Variants in SBNO2 observed in about 807,000 individuals in gnomAD.
The protein encoded by SBNO2 is protein strawberry notch homolog 2.
Under a neutral mutation model 146.3 loss-of-function variants are expected in SBNO2, and 89 were observed. The ratio of observed to expected loss-of-function variants is 0.61; its 90% CI spans 0.51 to 0.73. The LOEUF (loss-of-function observed/expected upper bound fraction) is 0.73, where lower values mean the gene tolerates loss of function less well. Ranked by LOEUF, SBNO2 falls within the 30% of genes least tolerant of loss-of-function variation. SBNO2 has a pLI of 0.00. For synonymous variants in SBNO2, 1,147 were observed against 892.6 expected, an observed-to-expected ratio of 1.29 and a Z score of -5.08; for missense variants, 2,092 against 2,003.7, an observed-to-expected ratio of 1.04 and a Z score of -0.84.
In SBNO2 at chr19:1,119,895, C is replaced by T; in HGVS notation, c.1267+11G>A. ...CTGCGGGTGGGTCACGTGGGATCCGCACCGCCCCACCTGTGGCGCTGGCGT... is the reference window on the plus strand; with the variant it reads ...CTGCGGGTGGGTCACGTGGGATCCGTACCGCCCCACCTGTGGCGCTGGCGT... On this transcript the variant is annotated intron_variant, in intron 12 of 31. Transcript: ENST00000361757. The T allele has an allele frequency of 1.3e-6, 2 of 1,537,734 alleles. No individual in the cohort carries two copies. Among genetic ancestry groups the T allele is most frequent in the Non-Finnish European group, 1.8e-6 (2 of 1,140,712 alleles).
rs113729230 is a variant in SBNO2 at position 1,150,472 on chromosome 19, C to T, written c.94-1030G>A. Among the ~76,000 whole-genome samples the T allele has an allele frequency of 2.0e-5, 3 of 151,536 alleles. No homozygotes were observed. Among genetic ancestry groups the T allele is most frequent in the African/African-American group, 4.9e-5 (2 of 41,038 alleles). On this transcript the variant is annotated intron_variant, in intron 2 of 31. Coordinates refer to ENST00000361757, the MANE Select transcript of SBNO2 (RefSeq NM_014963.3). This position sits in a 1 kb window ranked among gnomAD's most constrained non-coding sequence, Gnocchi z 6.2. ...CCCACAGTCACGGGGGAGACCCTGCCGTCACGGATGCCCCCACGGTCACGG... is the reference window on the plus strand; with the variant it reads ...CCCACAGTCACGGGGGAGACCCTGCTGTCACGGATGCCCCCACGGTCACGG...
chr19:1,169,534 C>G (rs1390727281), intron 1 of SBNO2, among the ~76,000 whole-genome samples: 3 of 152,252 alleles, frequency 2.0e-5, no homozygotes, highest in Non-Finnish European at 4.4e-5. Flanking sequence ...TTCCCTGCCC[C>G]TCCGAAGCAG....
At position 1,108,199 on chromosome 19, in the gene SBNO2, C is replaced by G; in HGVS notation, c.*21G>C. 6.6e-7 allele frequency: 1 copy of G among 1,522,398 alleles called. No homozygotes were observed. The highest frequency in any genetic ancestry group is 1.2e-5 in the South Asian group (1 of 82,956). The allele number at this position is 1,522,398 out of a possible 1,614,324, so 94.3% of individuals were successfully genotyped here. ...GAGAAACGGTCCCTGTGTCTTGGGGCATGTTTCGCCTAAAGGCGTGTCAGA... is the reference window on the plus strand; with the variant it reads ...GAGAAACGGTCCCTGTGTCTTGGGGGATGTTTCGCCTAAAGGCGTGTCAGA... On this transcript the variant is annotated 3_prime_UTR_variant, in exon 32 of 32. Transcript: ENST00000361757.
chr19:1,147,439 G>GGGGGGGC lies in SBNO2; in HGVS notation c.168-20_168-19insGCCCCCC, dbSNP rs773482663. On this transcript the variant is annotated intron_variant, in intron 3 of 31. Transcript: ENST00000361757. The stretch of plus-strand genomic sequence containing the variant: ...GAACGGGCTGGAGGGAGATGGGGGG[G>GGGGGGGC]GGGGAGGTGAGATGGGGTGCTCAAC... 2.6e-5 allele frequency: 33 copies of GGGGGGGC among 1,265,140 alleles called. No homozygotes were observed. Among genetic ancestry groups the GGGGGGGC allele is most frequent in the Non-Finnish European group, 3.0e-5 (28 of 922,480 alleles). 78.4% of individuals were successfully genotyped at this position (1,265,140 alleles called of 1,614,324 possible).
rs1200646168 is a variant in SBNO2, at chr19:1,108,282, G to A, written c.4039C>T (p.Pro1347Ser). The A allele has an allele frequency of 3.3e-6, 5 of 1,509,018 alleles. No homozygotes were observed. The highest frequency in any genetic ancestry group is 1.2e-5 in the South Asian group (1 of 82,042). The allele number at this position is 1,509,018 out of a possible 1,614,324, so 93.5% of individuals were successfully genotyped here. ...AACTGGATCACGCTCTGCCGCTCGG[G>A]ACCACCGCCCGCCGCGCCCCCCGCC... Reference protein sequence around the residue: ...AGAGGAAGGGPERQSVIQFSP... With the variant: ...AGAGGAAGGGSERQSVIQFSP... Residue 1347 changes from proline to serine, a missense_variant, in exon 32 of 32, where the codon CCC (proline) becomes TCC (serine). Coordinates refer to ENST00000361757, the MANE Select transcript of SBNO2 (RefSeq NM_014963.3).
intron 4 of SBNO2, among the ~76,000 whole-genome samples, chr19:1,146,984 C>T (rs1020117574): frequency 7.9e-5 from 12 of 152,124 alleles, no homozygotes; most frequent in African/African-American, 2.2e-4. Context: ...GAGGGAGGGC[C>T]GTGGGGGCAA....
chr19:1,166,615 GCGCACACACA>G (rs1468768333), intron 1 of SBNO2, among the ~76,000 whole-genome samples: 28 of 98,306 alleles, frequency 2.8e-4, no homozygotes, highest in South Asian at 6.1e-4. Flanking sequence ...GCAACTGCAC[GCGCACACACA>G]CACACACACA....
rs1178832960 is a variant in SBNO2, at chr19:1,120,021, G to A, written c.1152C>T (p.Ile384=). Residue 384 remains isoleucine, a splice_region_variant and synonymous_variant, in exon 12 of 32, where the codon ATC becomes ATT. Coordinates refer to ENST00000361757, the MANE Select transcript of SBNO2 (RefSeq NM_014963.3). ...DWCGEAFEGV[I]VFDECHKAKN... is the part of the protein sequence containing the mutation. ...TGGCTTTGTGACACTCGTCGAACAC[G>A]ATCTGAGGCACACGTGGGTTAAGGA... The A allele has an allele frequency of 1.6e-5, 25 of 1,550,454 alleles. No individual in the cohort carries two copies. The highest frequency in any genetic ancestry group is 4.1e-5 in the African/African-American group (3 of 73,052).
rs1351630147 is a variant in SBNO2, at chr19:1,109,242, G to A, written c.3349-31C>T. On this transcript the variant is annotated intron_variant, in intron 29 of 31. Transcript: ENST00000361757. The surrounding 1 kb of genome is among the most constrained non-coding windows in gnomAD (Gnocchi z 4.2). The stretch of plus-strand genomic sequence containing the variant: ...GACACAGGGCCGCATGAGCCTGGGC[G>A]GGGTCAGGGCCGGCAACCCGAGCGA... 13 of 1,573,198 alleles carry A rather than the reference G, an allele frequency of 8.3e-6. No homozygotes were observed. In the East Asian group the frequency reaches 9.4e-5, roughly 11 times the overall value.
chr19:1,145,636 G>C (rs1415155421), intron 4 of SBNO2, among the ~76,000 whole-genome samples: 1 of 152,174 alleles, frequency 6.6e-6, no homozygotes, highest in South Asian at 2.1e-4. Context: ...ACTGCCATCA[G>C]TCGCACCCCG....
At position 1,147,395 on chromosome 19, in the gene SBNO2, G is replaced by A. The variant is rs780938606; in HGVS notation, c.193C>T (p.Leu65Phe). 5.3e-6 allele frequency: 8 copies of A among 1,523,142 alleles called. No homozygotes were observed. The allele number at this position is 1,523,142 out of a possible 1,614,324, so 94.4% of individuals were successfully genotyped here. Residue 65 changes from leucine (L) to phenylalanine (F), a missense_variant, in exon 4 of 32, where the codon CTC becomes TTC. By Grantham distance (22) the Leu-to-Phe change is conservative (BLOSUM62 0). Coordinates refer to ENST00000361757, the MANE Select transcript of SBNO2 (RefSeq NM_014963.3). ...SRPFMSSASF[L>F]GSQPCPDTSY... ...GTGTCTGGGCAGGGCTGGCTGCCGA[G>A]GAAGGAGGCGGAGCTCATGAACGGG...
chr19:1,117,500 C>T lies in SBNO2; in HGVS notation c.1528-1G>A, dbSNP rs1470011887. On this transcript the variant is annotated splice_acceptor_variant, in intron 14 of 31. Coordinates refer to ENST00000361757, the MANE Select transcript of SBNO2 (RefSeq NM_014963.3). LOFTEE classifies it high-confidence loss of function. Reference sequence around the variant, plus strand: ...GGAACACGTTCAGGGCCTCGGCCCACTGCAATGACACGTCACAAGGCGCCC... The same window carrying T: ...GGAACACGTTCAGGGCCTCGGCCCATTGCAATGACACGTCACAAGGCGCCC... The T allele has an allele frequency of 1.3e-6, 2 of 1,574,570 alleles. No individual in the cohort carries two copies. The highest frequency in any genetic ancestry group is 1.7e-6 in the Non-Finnish European group (2 of 1,162,114).
chr19:1,164,506 GAGGAGGAGGAGGAGGAAC>G (rs1436861193), intron 1 of SBNO2, among the ~76,000 whole-genome samples: 1 of 10,906 alleles, frequency 9.2e-5, no homozygotes, highest in Non-Finnish European at 2.0e-4. Flanking sequence ...GTGGAGACAG[GAGGAGGAGGAGGAGGAAC>G]AGGAGGAGGA....
chr19:1,126,377 C>T lies in SBNO2; in HGVS notation c.441+1227G>A, dbSNP rs1364973425. ...TGGCGGGCATTGGGTTTCAGATGCC[C>T]TCGTGCCGGCCACAGCAGGCCGGTC... On this transcript the variant is annotated intron_variant, in intron 5 of 31. Coordinates refer to ENST00000361757, the MANE Select transcript of SBNO2 (RefSeq NM_014963.3). The surrounding 1 kb of genome is among the most constrained non-coding windows in gnomAD (Gnocchi z 4.4). 6.6e-6 allele frequency among the ~76,000 whole-genome samples: 1 copy of T among 152,172 alleles called. No individual in the cohort carries two copies. Among genetic ancestry groups the T allele is most frequent in the African/African-American group, 2.4e-5 (1 of 41,448 alleles).
Position 1,113,601 on chromosome 19 carries a change from C to T in SBNO2, c.2181G>A (p.Arg727=). The part of the protein sequence containing the change: ...DLLDKVRRLG[R]ELPVNTLDEL... Reference sequence around the variant, plus strand: ...CGTCCAGGGTGTTGACTGGCAGTTCCCGGCCCAGCCGCCGCACTTTGTCCA... The same window carrying T: ...CGTCCAGGGTGTTGACTGGCAGTTCTCGGCCCAGCCGCCGCACTTTGTCCA... Residue 727 remains arginine, a synonymous_variant, in exon 19 of 32, where the codon CGG becomes CGA. Transcript: ENST00000361757. The T allele has an allele frequency of 6.3e-7, 1 of 1,597,554 alleles. No homozygotes were observed. Among genetic ancestry groups the T allele is most frequent in the South Asian group, 1.1e-5 (1 of 89,690 alleles).
chr19:1,144,803 C>T lies in SBNO2; in HGVS notation c.279+2506G>A. On this transcript the variant is annotated intron_variant, in intron 4 of 31. Transcript: ENST00000361757. This position sits in a 1 kb window ranked among gnomAD's most constrained non-coding sequence, Gnocchi z 4.1. ...AAAGAGACAGAGACAGAGAGGGAGA[C>T]AGAGAGACAGAGACAGAGAGGGAGA... is the stretch of plus-strand genomic sequence containing the variant. 7.3e-6 allele frequency among the ~76,000 whole-genome samples: 1 copy of T among 137,304 alleles called. No individual in the cohort carries two copies. Among genetic ancestry groups the T allele is most frequent in the Non-Finnish European group, 1.6e-5 (1 of 63,808 alleles). The allele number at this position is 137,304 out of a possible 152,430, so 90.1% of individuals were successfully genotyped here.
chr19:1,133,037 A>G (rs1324119230), intron 4 of SBNO2, among the ~76,000 whole-genome samples: 1 of 152,116 alleles, frequency 6.6e-6, no homozygotes, highest in Non-Finnish European at 1.5e-5. Flanking sequence ...ACAGGGGCCT[A>G]GACACCGCGG....
At chr19:1,141,085 T>C (rs1233466870) in intron 4 of SBNO2, among the ~76,000 whole-genome samples, 7 of 135,524 alleles carry the variant, frequency 5.2e-5, no homozygotes, top group African/African-American at 1.7e-4. Context: ...GAAGAGGCAC[T>C]CCGGAGAAGA....
At chr19:1,115,909 G>C in intron 17 of SBNO2, 112 bp downstream of exon 17, 1 of 863,838 alleles carries the variant, frequency 1.2e-6, no homozygotes, top group Non-Finnish European at 1.9e-6. Flanking sequence ...GACAGGACCT[G>C]CATTTGGCTG....
Sources: gnomAD v4.1 joint callset for allele counts (sites outside exome capture counted in the v4.1 genomes callset) on GRCh38, gnomAD v4.1.1 for gene constraint, Gnocchi (gnomAD v3.1) non-coding constraint, MANE v1.5 for transcripts, NCBI Gene and HGNC (gene_info 2026-07-23, HGNC 2026-07-21) for gene names.